Variants in VAMP1 observed in about 807,000 individuals in gnomAD.
VAMP1 encodes vesicle-associated membrane protein 1.
Under a neutral mutation model 19.1 loss-of-function variants are expected in VAMP1, and 16 were observed. The observed-to-expected ratio is 0.84, with a 90% CI of 0.57 to 1.27. The LOEUF (loss-of-function observed/expected upper bound fraction) is 1.27, where lower values mean the gene tolerates loss of function less well. VAMP1 is among the 50% of genes most tolerant of loss of function. The pLI, the probability that VAMP1 is intolerant of heterozygous loss-of-function variation, is 0.00. For synonymous variants in VAMP1, 37 were observed against 50.2 expected (o/e 0.74, Z 1.11); for missense variants, 109 against 145.4 (o/e 0.75, Z 1.29).
At position 6,463,018 on chromosome 12, in the gene VAMP1, C is replaced by T. The variant is rs747450658; in HGVS notation, c.*1452G>A. On this transcript the variant is annotated 3_prime_UTR_variant, in exon 5 of 5. Coordinates refer to ENST00000396308, the MANE Select transcript of VAMP1 (RefSeq NM_014231.5). This position sits in a 1 kb window ranked among gnomAD's most constrained non-coding sequence, Gnocchi z 4.0. ...GGAATAAAGGGCCATGGGCATTCTC[C>T]GCTCTGTTCCCAGCCTGCCCTCCTC... 4.3e-5 allele frequency: 66 copies of T among 1,548,316 alleles called. No individual in the cohort carries two copies. The highest frequency in any genetic ancestry group is 2.4e-4 in the South Asian group (20 of 84,044).
chr12:6,470,590 G>GCGAGGGACGC lies in VAMP1; in HGVS notation c.-60_-59insGCGTCCCTCG, dbSNP rs1321423036. ...TCCGGAGGCTGCGGCGAGACACCCG[G>GCGAGGGACGC]TGAGGGACGCTGCGGCTGAAGTGGA... On this transcript the variant is annotated 5_prime_UTR_variant, in exon 1 of 5. Transcript: ENST00000396308. The GCGAGGGACGC allele has an allele frequency of 3.7e-6, 6 of 1,610,338 alleles. No individual in the cohort carries two copies. The highest frequency in any genetic ancestry group is 2.2e-5 in the East Asian group (1 of 44,802).
At chr12:6,470,388 C>A in intron 1 of VAMP1, 142 bp downstream of exon 1, 2 of 1,291,752 alleles carry the variant, frequency 1.5e-6, no homozygotes, top group Non-Finnish European at 2.2e-6. Flanking sequence ...CTGGGGGTGG[C>A]CCGGTCCGGA....
intron 1 of VAMP1, chr12:6,467,278 T>C (rs1041087429): frequency 1.9e-5 from 3 of 154,258 alleles, no homozygotes; most frequent in African/African-American, 4.8e-5. Context: ...ATGGAACAGT[T>C]TGGAGGGCTC....
At position 6,463,635 on chromosome 12, in the gene VAMP1, T is replaced by C; in HGVS notation, c.*835A>G. The C allele has an allele frequency of 9.3e-7, 1 of 1,080,776 alleles. No homozygotes were observed. Among genetic ancestry groups the C allele is most frequent in the Non-Finnish European group, 1.1e-6 (1 of 885,632 alleles). The allele number at this position is 1,080,776 out of a possible 1,614,324, so 66.9% of individuals were successfully genotyped here. On this transcript the variant is annotated 3_prime_UTR_variant, in exon 5 of 5. Transcript: ENST00000396308. This position sits in a 1 kb window ranked among gnomAD's most constrained non-coding sequence, Gnocchi z 4.0. ...GCAATCTCTCTCTTTATGCCAACAA[T>C]TAACTGGGAGCTAGGTTAAATTATT...
intron 3 of VAMP1, chr12:6,465,388 A>ATATATATATATACATG (rs1555130185): frequency 6.6e-5 from 5 of 75,522 alleles, no homozygotes; most frequent in Non-Finnish European, 1.0e-4. Context: ...ATATATATGT[A>ATATATATATATACATG]TATATATATA....
chr12:6,464,285 G>A lies in VAMP1; in HGVS notation c.*185C>T, dbSNP rs748168937. 28 of 1,538,406 alleles carry A rather than the reference G, an allele frequency of 1.8e-5. No homozygotes were observed. The highest frequency in any genetic ancestry group is 1.7e-4 in the Middle Eastern group (1 of 5,980). The stretch of plus-strand genomic sequence containing the variant: ...CGGGTAATGACTTAGATTGTGCCAC[G>A]AGCAGCATTTCTAGTGTTGAGGGAC... On this transcript the variant is annotated 3_prime_UTR_variant, in exon 5 of 5. Transcript: ENST00000396308.
rs1240758389 is a variant in VAMP1, at chr12:6,463,464, G to C, written c.*1006C>G. 1 of 1,039,820 alleles carries C rather than the reference G, an allele frequency of 9.6e-7. No homozygotes were observed. Among genetic ancestry groups the C allele is most frequent in the East Asian group, 9.2e-5 (1 of 10,878 alleles). 64.4% of individuals were successfully genotyped at this position (1,039,820 alleles called of 1,614,324 possible). On this transcript the variant is annotated 3_prime_UTR_variant, in exon 5 of 5. Transcript: ENST00000396308. This position sits in a 1 kb window ranked among gnomAD's most constrained non-coding sequence, Gnocchi z 4.0. ...GGAAAGGATTCCATGGGTGTCCAAAGATCTCACACTGCTAACACCCTCACG... is the reference window on the plus strand; with the variant it reads ...GGAAAGGATTCCATGGGTGTCCAAACATCTCACACTGCTAACACCCTCACG...
rs1949906487 is a variant in VAMP1 at position 6,462,656 on chromosome 12, T to C, written c.*1814A>G. The C allele has an allele frequency of 2.8e-6, 2 of 712,238 alleles. No homozygotes were observed. The highest frequency in any genetic ancestry group is 2.0e-5 in the South Asian group (1 of 51,266). 44.1% of individuals were successfully genotyped at this position (712,238 alleles called of 1,614,324 possible). ...GACAGAAACCCAGGAATGATTCCTGTGATAGGGCTGGGAGAGCCAAGAGGA... is the reference window on the plus strand; with the variant it reads ...GACAGAAACCCAGGAATGATTCCTGCGATAGGGCTGGGAGAGCCAAGAGGA... On this transcript the variant is annotated 3_prime_UTR_variant, in exon 5 of 5. Coordinates refer to ENST00000396308, the MANE Select transcript of VAMP1 (RefSeq NM_014231.5).
intron 1 of VAMP1, 120 bp from the exon 2 acceptor site, chr12:6,466,471 C>T (rs1487076037): frequency 8.5e-7 from 1 of 1,176,756 alleles, no homozygotes; most frequent in East Asian, 2.6e-5. Context: ...GCGCTTGAGC[C>T]CAGGAGTTCG....
rs1045653889 is a variant in VAMP1, at chr12:6,463,050, C to T, written c.*1420G>A. ...TTCCCAGCCTGCCCTCCTCCCCTTG[C>T]ACCTGGGCTTATCCCACATTAATAG... On this transcript the variant is annotated 3_prime_UTR_variant, in exon 5 of 5. Coordinates refer to ENST00000396308, the MANE Select transcript of VAMP1 (RefSeq NM_014231.5). The surrounding 1 kb of genome is among the most constrained non-coding windows in gnomAD (Gnocchi z 4.0). 9 of 1,542,234 alleles carry T rather than the reference C, an allele frequency of 5.8e-6. No individual in the cohort carries two copies. The highest frequency in any genetic ancestry group is 7.8e-6 in the Non-Finnish European group (9 of 1,146,736).
rs963558508 is a variant in VAMP1 at position 6,470,627 on chromosome 12, A to T, written c.-96T>A. 7.1e-6 allele frequency: 11 copies of T among 1,544,116 alleles called. No homozygotes were observed. In the East Asian group the frequency reaches 2.3e-4, roughly 32 times the overall value. ...GCGGCTGAAGTGGACGGAACTGCCA[A>T]GCTCCGCCTCGCGCCGACTACCCCG... On this transcript the variant is annotated 5_prime_UTR_variant, in exon 1 of 5. It adds an upstream start codon to the 5' untranslated region. Coordinates refer to ENST00000396308, the MANE Select transcript of VAMP1 (RefSeq NM_014231.5).
At chr12:6,465,331 A>G in intron 3 of VAMP1, 1 of 316,532 alleles carries the variant, frequency 3.2e-6, no homozygotes, top group Non-Finnish European at 6.0e-6. Context: ...CAATCTGAGA[A>G]AGCTGATTTA....
In VAMP1 at chr12:6,465,916, A is replaced by G; in HGVS notation, c.214T>C (p.Leu72=). The G allele has an allele frequency of 6.2e-7, 1 of 1,614,254 alleles. No individual in the cohort carries two copies. Among genetic ancestry groups the G allele is most frequent in the Non-Finnish European group, 8.5e-7 (1 of 1,180,038 alleles). Residue 72 remains leucine, a synonymous_variant, in exon 3 of 5, where the codon TTG becomes CTG. Transcript: ENST00000396308. ...LSELDDRADA[L]QAGASQFESS... The stretch of plus-strand genomic sequence containing the variant: ...TCAAATTGTGATGCTCCTGCCTGCA[A>G]GGCATCAGCTCGGTCATCCAGCTCT...
At chr12:6,465,373 A>ATATAT (rs1565525991) in intron 3 of VAMP1, 1 of 104,188 alleles carries the variant, frequency 9.6e-6, no homozygotes, top group South Asian at 1.7e-4. Flanking sequence ...TATATATATA[A>ATATAT]ATGTATATAT....
chr12:6,462,759 G>A lies in VAMP1; in HGVS notation c.*1711C>T. Reference sequence around the variant, plus strand: ...GCGGTGACCCCCTGCATTAGGCAAGGAGGAGCCCAGAGGAGAGTGGAGACC... The same window carrying A: ...GCGGTGACCCCCTGCATTAGGCAAGAAGGAGCCCAGAGGAGAGTGGAGACC... On this transcript the variant is annotated 3_prime_UTR_variant, in exon 5 of 5. Coordinates refer to ENST00000396308, the MANE Select transcript of VAMP1 (RefSeq NM_014231.5). 3.4e-6 allele frequency: 5 copies of A among 1,478,712 alleles called. No individual in the cohort carries two copies. The highest frequency in any genetic ancestry group is 4.6e-6 in the Non-Finnish European group (5 of 1,091,020). The allele number at this position is 1,478,712 out of a possible 1,614,324, so 91.6% of individuals were successfully genotyped here.
chr12:6,467,538 T>C (rs921243591), intron 1 of VAMP1, among the ~76,000 whole-genome samples: 2 of 152,176 alleles, frequency 1.3e-5, no homozygotes, highest in Non-Finnish European at 2.9e-5. Context: ...ATTTAGGGTA[T>C]CTGGCAGAAG....
chr12:6,463,812 A>AAGTGTTCT lies in VAMP1; in HGVS notation c.*650_*657dup. On this transcript the variant is annotated 3_prime_UTR_variant, in exon 5 of 5. Transcript: ENST00000396308. This position sits in a 1 kb window ranked among gnomAD's most constrained non-coding sequence, Gnocchi z 4.0. ...AAGTCCTGCTATTTTCACAATCCCTAAGTGTTCTCCAGGCCTCTGGAGAAC... is the reference window on the plus strand; with the variant it reads ...AAGTCCTGCTATTTTCACAATCCCTAAGTGTTCTAGTGTTCTCCAGGCCTCTGGAGAAC... 8.3e-7 allele frequency: 1 copy of AAGTGTTCT among 1,204,172 alleles called. No individual in the cohort carries two copies. The highest frequency in any genetic ancestry group is 1.1e-6 in the Non-Finnish European group (1 of 950,020). 74.6% of individuals were successfully genotyped at this position (1,204,172 alleles called of 1,614,324 possible).
chr12:6,467,045 T>C (rs904698093), intron 1 of VAMP1: 5 of 175,742 alleles, frequency 2.8e-5, no homozygotes, highest in African/African-American at 4.8e-5. Context: ...GCTGCTGCCA[T>C]GTAAGAAGTG....
At position 6,462,344 on chromosome 12, in the gene VAMP1, A is replaced by G; in HGVS notation, c.*2126T>C. 1.8e-6 allele frequency: 1 copy of G among 553,550 alleles called. No individual in the cohort carries two copies. Among genetic ancestry groups the G allele is most frequent in the Non-Finnish European group, 3.2e-6 (1 of 310,564 alleles). 34.3% of individuals were successfully genotyped at this position (553,550 alleles called of 1,614,324 possible). On this transcript the variant is annotated 3_prime_UTR_variant, in exon 5 of 5. Transcript: ENST00000396308. ...ACAACTGTTGTTATTACTCTATACA[A>G]GTATGAGATCAGGGTTAGGAAAAAA...
Sources: gnomAD v4.1 joint callset for allele counts (sites outside exome capture counted in the v4.1 genomes callset) on GRCh38, gnomAD v4.1.1 for gene constraint, Gnocchi (gnomAD v3.1) non-coding constraint, MANE v1.5 for transcripts, NCBI Gene and HGNC (gene_info 2026-07-23, HGNC 2026-07-21) for gene names.